The following HOMER2 variants were observed in gnomAD, a reference collection of about 807,000 sequenced individuals.
HOMER2 encodes the protein homer protein homolog 2.
HOMER2 carries 27 observed loss-of-function variants against 47.0 expected under a neutral mutation model. The ratio of observed to expected loss-of-function variants is 0.57; its 90% CI spans 0.42 to 0.79. The LOEUF (loss-of-function observed/expected upper bound fraction) is 0.79. HOMER2 is among the 30% of genes least tolerant of loss of function. HOMER2 has a pLI of 0.00. For synonymous variants in HOMER2, 161 were observed against 163.8 expected, an observed-to-expected ratio of 0.98 and a Z score of 0.13; for missense variants, 443 against 435.0, an observed-to-expected ratio of 1.02 and a Z score of -0.16.
chr15:82,860,956 T>TGAGAGAGAGAGACAGAGAGAGAGA (rs1555420266), intron 4 of HOMER2, among the ~76,000 whole-genome samples: 48 of 42,436 alleles, frequency 1.1e-3, no homozygotes, highest in African/African-American at 3.7e-3. Flanking sequence ...AGATAGAAGA[T>TGAGAGAGAGAGACAGAGAGAGAGA]GAGAGAGAGA....
chr15:82,952,234 C>A (rs2054521310), intron 1 of HOMER2, among the ~76,000 whole-genome samples: 1 of 152,250 alleles, frequency 6.6e-6, no homozygotes, highest in Non-Finnish European at 1.5e-5. Context: ...ATGGCCGAGG[C>A]AGGAGGCCGG....
chr15:82,949,433 G>A (rs12440673), intron 1 of HOMER2, among the ~76,000 whole-genome samples: 5 of 152,268 alleles, frequency 3.3e-5, no homozygotes, highest in Admixed American at 2.6e-4. Context: ...GTTTTGAGGA[G>A]AGGGAGTGGT....
intron 1 of HOMER2, among the ~76,000 whole-genome samples, chr15:82,909,204 C>T (rs1162598357): frequency 1.3e-5 from 2 of 152,180 alleles, no homozygotes; most frequent in African/African-American, 4.8e-5. Context: ...GAAGTAAATG[C>T]TTGGTGCTGC....
chr15:82,873,376 T>C (rs1270314815), intron 3 of HOMER2, among the ~76,000 whole-genome samples: 1 of 152,224 alleles, frequency 6.6e-6, no homozygotes, highest in Non-Finnish European at 1.5e-5. Flanking sequence ...ATGACACTGC[T>C]TCAAACCAAG....
intron 4 of HOMER2, among the ~76,000 whole-genome samples, chr15:82,860,977 G>GAGAGAGAGAA (rs71156059): frequency 6.9e-6 from 1 of 144,358 alleles, no homozygotes; most frequent in Non-Finnish European, 1.6e-5. Flanking sequence ...GAGAGAGAGA[G>GAGAGAGAGAA]AGAGAAAGCG....
chr15:82,922,356 T>C (rs2053750349), intron 1 of HOMER2, among the ~76,000 whole-genome samples: 1 of 152,200 alleles, frequency 6.6e-6, no homozygotes, highest in African/African-American at 2.4e-5. Context: ...AATGCACAAC[T>C]CTAAATCAAG....
chr15:82,947,342 A>G (rs1285995938), intron 1 of HOMER2, among the ~76,000 whole-genome samples: 1 of 152,242 alleles, frequency 6.6e-6, no homozygotes, highest in Non-Finnish European at 1.5e-5. Context: ...AAATCGGTAT[A>G]GAGTACCAAA....
At chr15:82,969,342 T>C (rs924451812) in intron 1 of HOMER2, among the ~76,000 whole-genome samples, 6 of 152,222 alleles carry the variant, frequency 3.9e-5, no homozygotes, top group African/African-American at 1.4e-4. Flanking sequence ...CCAGTGGTCA[T>C]GAATCTTGGA....
In HOMER2 at chr15:82,892,778, G is replaced by C. The variant is rs1380487369; in HGVS notation, c.69C>G (p.Asn23Lys). ...CCGCCTGCTTGCTCGCAGGCATCCA[G>C]TTCTTCTTGGTGTTGGGGTCAATCT... Reference protein sequence around the residue: ...VFQIDPNTKKNWMPASKQAVT... With the variant: ...VFQIDPNTKKKWMPASKQAVT... The change falls in exon 2 of 9, where the codon AAC becomes AAG. Residue 23 changes from asparagine to lysine, a missense_variant. Physicochemically the swap from Asn to Lys is moderately conservative, Grantham distance 94. Coordinates refer to ENST00000450735, the MANE Select transcript of HOMER2 (RefSeq NM_004839.4). The C allele has an allele frequency of 6.2e-7, 1 of 1,607,332 alleles. No individual in the cohort carries two copies. The highest frequency in any genetic ancestry group is 1.1e-5 in the South Asian group (1 of 90,098).
intron 1 of HOMER2, among the ~76,000 whole-genome samples, chr15:82,966,849 A>G (rs1192614157): frequency 6.6e-6 from 1 of 152,258 alleles, no homozygotes; most frequent in Admixed American, 6.5e-5. Context: ...ATCTTCAGAT[A>G]AGAAACTTTA....
chr15:82,864,845 A>G (rs915288421), intron 3 of HOMER2, among the ~76,000 whole-genome samples: 1 of 152,248 alleles, frequency 6.6e-6, no homozygotes, highest in Non-Finnish European at 1.5e-5. Flanking sequence ...CCATTAGCTT[A>G]TTGCCACTAA....
At chr15:82,893,140 T>C (rs945550198) in intron 1 of HOMER2, among the ~76,000 whole-genome samples, 1 of 152,148 alleles carries the variant, frequency 6.6e-6, no homozygotes, top group Non-Finnish European at 1.5e-5. Context: ...TCAAGTGTCC[T>C]ATACTTTTTC....
rs773800705 is a variant in HOMER2, at chr15:82,852,259, T to A, written c.652-7A>T. 6.2e-7 allele frequency: 1 copy of A among 1,601,466 alleles called. No homozygotes were observed. On this transcript the variant is annotated splice_region_variant and splice_polypyrimidine_tract_variant and intron_variant, in intron 6 of 8. Coordinates refer to ENST00000450735, the MANE Select transcript of HOMER2 (RefSeq NM_004839.4). ...GTTCTTCCAGCTCATCAATCTTCAA[T>A]ACACACCACACAGGAAAGCAGGGAC...
chr15:82,855,020 TTAA>T (rs1196349579), intron 5 of HOMER2, among the ~76,000 whole-genome samples: 1 of 152,146 alleles, frequency 6.6e-6, no homozygotes. Flanking sequence ...GTCTATCTTC[TTAA>T]AGAATCACCT....
chr15:82,920,273 C>T (rs2053695168), intron 1 of HOMER2, among the ~76,000 whole-genome samples: 1 of 152,204 alleles, frequency 6.6e-6, no homozygotes, highest in South Asian at 2.1e-4. Flanking sequence ...CCTTGCACAT[C>T]AGGAATGGCC....
chr15:82,979,258 T>C (rs987831658), intron 1 of HOMER2, among the ~76,000 whole-genome samples: 4 of 151,912 alleles, frequency 2.6e-5, no homozygotes, highest in African/African-American at 9.7e-5. Flanking sequence ...ACAGGGAGAG[T>C]GGCAAGAGAT....
At chr15:82,970,570 G>A (rs139476812) in intron 1 of HOMER2, among the ~76,000 whole-genome samples, 39 of 152,250 alleles carry the variant, frequency 2.6e-4, no homozygotes, top group African/African-American at 8.9e-4. Flanking sequence ...CTATTTCAAG[G>A]ATGGGCAGTG....
intron 1 of HOMER2, among the ~76,000 whole-genome samples, chr15:82,962,364 CAAAAAAAA>C (rs34651312): frequency 2.3e-5 from 1 of 44,288 alleles, no homozygotes; most frequent in Non-Finnish European, 4.8e-5. Context: ...GACTCCGTCT[CAAAAAAAA>C]AAAAAAAAAA....
rs1033925299 is a variant in HOMER2, at chr15:82,899,014, C to T, written c.6-6173G>A. Among the ~76,000 whole-genome samples, 8 of 152,170 alleles carry T rather than the reference C, an allele frequency of 5.3e-5. No individual in the cohort carries two copies. The South Asian group carries it at 6.2e-4, about 12-fold the overall frequency. ...TCCAAACACCATCTACTACACCAAC[C>T]GACAGGTCTTCCTCTAGTCCAGATG... On this transcript the variant is annotated intron_variant, in intron 1 of 8. Coordinates refer to ENST00000450735, the MANE Select transcript of HOMER2 (RefSeq NM_004839.4).
Sources: allele counts gnomAD v4.1 joint callset (sites outside exome capture counted in the v4.1 genomes callset), GRCh38; gene constraint gnomAD v4.1.1; transcripts MANE v1.5; gene names NCBI Gene and HGNC (gene_info 2026-07-23, HGNC 2026-07-21).